HSD17B12: variants seen among roughly 807,000 people sequenced by gnomAD.
HSD17B12 encodes hydroxysteroid 17-beta dehydrogenase 12.
A neutral mutation model predicts 39.3 loss-of-function variants in HSD17B12; 32 were observed. The ratio of observed to expected loss-of-function variants is 0.81; its 90% CI spans 0.61 to 1.09. The LOEUF is 1.09. Among genes scored for constraint, HSD17B12 ranks in the 50% least tolerant of loss-of-function variants. HSD17B12 has a pLI of 0.00. For missense variants in HSD17B12, 342 were observed against 382.9 expected, an observed-to-expected ratio of 0.89 and a Z score of 0.89; for synonymous variants, 150 against 146.7, an observed-to-expected ratio of 1.02 and a Z score of -0.16.
chr11:43,785,355 G>A (rs775411782), intron 3 of HSD17B12, among the ~76,000 whole-genome samples: 17 of 152,158 alleles, frequency 1.1e-4, no homozygotes, highest in Non-Finnish European at 2.1e-4. Flanking sequence ...GTTGAATACA[G>A]CGACAGAACA....
At chr11:43,724,897 T>C (rs1950207413) in intron 1 of HSD17B12, among the ~76,000 whole-genome samples, 1 of 152,156 alleles carries the variant, frequency 6.6e-6, no homozygotes. Flanking sequence ...TACTTGAGAA[T>C]ATAGTAATTT....
intron 1 of HSD17B12, among the ~76,000 whole-genome samples, chr11:43,709,002 T>G (rs982717672): frequency 1.3e-5 from 2 of 152,160 alleles, no homozygotes; most frequent in African/African-American, 4.8e-5. Context: ...CACAGGGCAG[T>G]GAAATAGCTC....
chr11:43,796,244 C>T (rs1257910877), intron 3 of HSD17B12, among the ~76,000 whole-genome samples: 2 of 152,040 alleles, frequency 1.3e-5, no homozygotes, highest in African/African-American at 2.4e-5. Flanking sequence ...AGGTGGGTAT[C>T]ATGGTCTGAC....
chr11:43,819,344 C>T (rs1195930198), intron 6 of HSD17B12, among the ~76,000 whole-genome samples: 3 of 152,120 alleles, frequency 2.0e-5, no homozygotes, highest in Non-Finnish European at 4.4e-5. Flanking sequence ...TGATAGAAAG[C>T]CAAGGTCCTG....
chr11:43,738,187 G>C (rs1309054996), intron 1 of HSD17B12, among the ~76,000 whole-genome samples: 1 of 150,734 alleles, frequency 6.6e-6, no homozygotes. Flanking sequence ...GTTCTCTCTA[G>C]CACTGAAAAT....
At chr11:43,562,454 G>A in the HSD17B12 span, among the ~76,000 whole-genome samples, 1 of 152,266 alleles carries the variant, frequency 6.6e-6, no homozygotes, top group South Asian at 2.1e-4. Flanking sequence ...TTTAAAATGG[G>A]GACCTACCTC....
chr11:43,775,144 G>T (rs932587138), intron 3 of HSD17B12, among the ~76,000 whole-genome samples: 23 of 152,146 alleles, frequency 1.5e-4, no homozygotes, highest in African/African-American at 5.3e-4. Flanking sequence ...AGAGCAGAGG[G>T]CCCCAGTCTT....
chr11:43,719,777 T>C (rs1159465303), intron 1 of HSD17B12, among the ~76,000 whole-genome samples: 2 of 152,158 alleles, frequency 1.3e-5, no homozygotes, highest in Non-Finnish European at 2.9e-5. Flanking sequence ...AGGTCATATT[T>C]GTAGCTGAGT....
At chr11:43,618,013 T>C in the HSD17B12 span, among the ~76,000 whole-genome samples, 309 of 152,354 alleles carry the variant, frequency 2.0e-3, 1 homozygote, top group African/African-American at 7.2e-3. Context: ...TTTGGAAATG[T>C]AACATCTTAC....
At chr11:43,782,543 G>A (rs569023707) in intron 3 of HSD17B12, among the ~76,000 whole-genome samples, 1 of 152,092 alleles carries the variant, frequency 6.6e-6, no homozygotes, top group South Asian at 2.1e-4. Flanking sequence ...GCTGGGTGTG[G>A]CACGAGCCTG....
At chr11:43,733,223 C>A (rs1320587973) in intron 1 of HSD17B12, among the ~76,000 whole-genome samples, 1 of 152,130 alleles carries the variant, frequency 6.6e-6, no homozygotes, top group African/African-American at 2.4e-5. Flanking sequence ...GTTTATAAAG[C>A]AATATTGTAT....
the HSD17B12 span, among the ~76,000 whole-genome samples, chr11:43,609,009 C>T: frequency 6.2e-4 from 94 of 152,172 alleles, 2 homozygotes; most frequent in East Asian, 0.016. Flanking sequence ...ACTGCAGCCT[C>T]GACCTCCTTG....
chr11:43,614,498 G>A, the HSD17B12 span, among the ~76,000 whole-genome samples: 20 of 152,092 alleles, frequency 1.3e-4, no homozygotes, highest in Admixed American at 1.3e-3. Context: ...TCAGCAATGT[G>A]ACTACAATGT....
the HSD17B12 span, among the ~76,000 whole-genome samples, chr11:43,607,655 A>T: frequency 6.6e-6 from 1 of 152,230 alleles, no homozygotes; most frequent in Non-Finnish European, 1.5e-5. Context: ...ATAGAAATTC[A>T]CATATTAAAA....
the HSD17B12 span, among the ~76,000 whole-genome samples, chr11:43,667,919 TA>T: frequency 1.3e-5 from 2 of 152,164 alleles, no homozygotes; most frequent in African/African-American, 4.8e-5. Context: ...TTATGAAACT[TA>T]AAGTATGGTT....
At chr11:43,721,348 G>C (rs1217292284) in intron 1 of HSD17B12, among the ~76,000 whole-genome samples, 1 of 152,042 alleles carries the variant, frequency 6.6e-6, no homozygotes, top group African/African-American at 2.4e-5. Flanking sequence ...GCTGAGCCTC[G>C]TGGCTGATGC....
At chr11:43,699,796 A>T (rs1370753681) in intron 1 of HSD17B12, among the ~76,000 whole-genome samples, 1 of 152,234 alleles carries the variant, frequency 6.6e-6, no homozygotes, top group Non-Finnish European at 1.5e-5. Flanking sequence ...TAATAATCCG[A>T]TCAAAAAATG....
chr11:43,592,225 A>G, the HSD17B12 span, among the ~76,000 whole-genome samples: 1 of 152,056 alleles, frequency 6.6e-6, no homozygotes, highest in African/African-American at 2.4e-5. Context: ...ATACTTATGA[A>G]GGGATTATAC....
At chr11:43,601,289 T>G in the HSD17B12 span, among the ~76,000 whole-genome samples, 2 of 152,002 alleles carry the variant, frequency 1.3e-5, no homozygotes, top group Admixed American at 1.3e-4. Flanking sequence ...TATAGGGTGG[T>G]TGTTTCTGTG....
Sources: allele counts gnomAD v4.1 joint callset (sites outside exome capture counted in the v4.1 genomes callset), GRCh38; gene constraint gnomAD v4.1.1; transcripts MANE v1.5; gene names NCBI Gene and HGNC (gene_info 2026-07-23, HGNC 2026-07-21).